Variants in EYS observed in about 807,000 individuals in gnomAD.
EYS encodes EGF-like photoreceptor maintenance factor, also known as protein eyes shut homolog.
Under a neutral mutation model 282.1 loss-of-function variants are expected in EYS, and 250 were observed. That is an observed-to-expected ratio of 0.89 (90% CI 0.80 to 0.98). The LOEUF (loss-of-function observed/expected upper bound fraction) is 0.98. Ranked by LOEUF, EYS falls within the 50% of genes least tolerant of loss-of-function variation. The pLI, the probability that EYS is intolerant of heterozygous loss-of-function variation, is 0.00. For synonymous variants in EYS, 1,355 were observed against 1,282.9 expected, an observed-to-expected ratio of 1.06 and a Z score of -1.20; for missense variants, 4,016 against 3,709.0, an observed-to-expected ratio of 1.08 and a Z score of -2.15.
intron 30 of EYS, among the ~76,000 whole-genome samples, chr6:64,282,145 A>G (rs1768330337): frequency 1.3e-5 from 2 of 152,136 alleles, no homozygotes. Context: ...CATCATATAA[A>G]TTGGCTTATC....
chr6:64,603,455 C>G (rs986053160), intron 24 of EYS, among the ~76,000 whole-genome samples: 1 of 151,962 alleles, frequency 6.6e-6, no homozygotes, highest in Non-Finnish European at 1.5e-5. Flanking sequence ...CCCAAGAGCA[C>G]ACAGAACTTC....
chr6:64,377,173 C>T (rs999525560), intron 29 of EYS, among the ~76,000 whole-genome samples: 1 of 151,876 alleles, frequency 6.6e-6, no homozygotes, highest in East Asian at 1.9e-4. Context: ...TTATTTTTGT[C>T]AGCTCTTATC....
chr6:64,820,893 T>C (rs1764878495), intron 21 of EYS, among the ~76,000 whole-genome samples: 1 of 152,170 alleles, frequency 6.6e-6, no homozygotes, highest in African/African-American at 2.4e-5. Flanking sequence ...TATAGCTATG[T>C]TTTACTGACG....
intron 31 of EYS, among the ~76,000 whole-genome samples, chr6:64,103,571 C>G (rs191679836): frequency 6.6e-6 from 1 of 151,856 alleles, no homozygotes; most frequent in Non-Finnish European, 1.5e-5. Flanking sequence ...ACAGACTATG[C>G]GAGATTAATA....
chr6:64,426,453 T>G (rs1049485152), intron 28 of EYS, among the ~76,000 whole-genome samples: 5 of 152,166 alleles, frequency 3.3e-5, no homozygotes, highest in African/African-American at 1.2e-4. Context: ...GTGGCAAACT[T>G]TTGACATGTT....
chr6:65,117,877 T>C (rs1422069595), intron 12 of EYS, among the ~76,000 whole-genome samples: 1 of 152,160 alleles, frequency 6.6e-6, no homozygotes, highest in Non-Finnish European at 1.5e-5. Flanking sequence ...TTTTATTACA[T>C]GAAAAATATT....
intron 22 of EYS, among the ~76,000 whole-genome samples, chr6:64,787,694 T>A: frequency 6.7e-6 from 1 of 149,548 alleles, no homozygotes; most frequent in Admixed American, 6.7e-5. Flanking sequence ...TATGTCTATA[T>A]ATTATTTATA....
chr6:64,927,396 C>T (rs907207218), intron 15 of EYS, among the ~76,000 whole-genome samples: 3 of 152,106 alleles, frequency 2.0e-5, no homozygotes, highest in Admixed American at 1.3e-4. Flanking sequence ...ACTAGCAATA[C>T]GAAATCTTAC....
chr6:65,117,724 A>G (rs1464063784), intron 12 of EYS, among the ~76,000 whole-genome samples: 1 of 152,220 alleles, frequency 6.6e-6, no homozygotes, highest in South Asian at 2.1e-4. Flanking sequence ...GAAATAGGAA[A>G]AGCAGACAAC....
chr6:64,447,810 T>C (rs1775167480), intron 26 of EYS, among the ~76,000 whole-genome samples: 1 of 152,224 alleles, frequency 6.6e-6, no homozygotes, highest in African/African-American at 2.4e-5. Context: ...AATAACTTTT[T>C]TTACTGAAAG....
At chr6:65,610,557 T>G (rs1031543478) in intron 2 of EYS, among the ~76,000 whole-genome samples, 3 of 152,124 alleles carry the variant, frequency 2.0e-5, no homozygotes, top group Non-Finnish European at 4.4e-5. Context: ...CTATGTGCCA[T>G]AACTACAGGG....
At chr6:64,704,243 T>C (rs966253170) in intron 22 of EYS, among the ~76,000 whole-genome samples, 1 of 149,990 alleles carries the variant, frequency 6.7e-6, no homozygotes, top group African/African-American at 2.4e-5. Context: ...ATAATTCCAC[T>C]TATATCTGTA....
intron 5 of EYS, among the ~76,000 whole-genome samples, chr6:65,407,569 T>TA (rs1766805196): frequency 6.6e-6 from 1 of 152,164 alleles, no homozygotes; most frequent in Non-Finnish European, 1.5e-5. Flanking sequence ...GTATTGTTTT[T>TA]AATATACAGA....
intron 31 of EYS, among the ~76,000 whole-genome samples, chr6:64,190,839 A>T (rs1765081337): frequency 6.6e-6 from 1 of 152,198 alleles, no homozygotes; most frequent in South Asian, 2.1e-4. Context: ...TGCATTAATT[A>T]TATGTTTAAA....
At chr6:65,381,251 T>C (rs1765599049) in intron 8 of EYS, among the ~76,000 whole-genome samples, 1 of 152,090 alleles carries the variant, frequency 6.6e-6, no homozygotes, top group African/African-American at 2.4e-5. Context: ...ATAAAGAAAC[T>C]GTGGCACATA....
intron 15 of EYS, among the ~76,000 whole-genome samples, chr6:64,933,578 T>C (rs942190274): frequency 5.3e-5 from 8 of 152,140 alleles, no homozygotes; most frequent in African/African-American, 1.7e-4. Context: ...AGTGTGGCGA[T>C]TCCTCAAGGA....
At chr6:65,134,404 A>G (rs1775965187) in intron 12 of EYS, among the ~76,000 whole-genome samples, 1 of 152,064 alleles carries the variant, frequency 6.6e-6, no homozygotes. Flanking sequence ...ACCATAAAAT[A>G]CCAGATAGCC....
At chr6:64,196,386 A>G (rs1321692641) in intron 31 of EYS, among the ~76,000 whole-genome samples, 1 of 152,200 alleles carries the variant, frequency 6.6e-6, no homozygotes, top group Non-Finnish European at 1.5e-5. Flanking sequence ...CAGCCATCCC[A>G]TTACTGGGTA....
chr6:64,257,663 A>G (rs1214263178), intron 30 of EYS, among the ~76,000 whole-genome samples: 1 of 151,998 alleles, frequency 6.6e-6, no homozygotes, highest in Non-Finnish European at 1.5e-5. Flanking sequence ...TATGTATACT[A>G]TGTCCTTTCC....
Sources: gnomAD v4.1 joint callset for allele counts (sites outside exome capture counted in the v4.1 genomes callset) on GRCh38, gnomAD v4.1.1 for gene constraint, MANE v1.5 for transcripts, NCBI Gene and HGNC (gene_info 2026-07-23, HGNC 2026-07-21) for gene names.